The following NRCAM variants were observed in gnomAD, a reference collection of about 807,000 sequenced individuals.
NRCAM encodes neuronal cell adhesion molecule, also known as NgCAM-related cell adhesion molecule.
Under a neutral mutation model 156.5 loss-of-function variants are expected in NRCAM, and 83 were observed. The observed-to-expected ratio is 0.53, with a 90% CI of 0.44 to 0.64. The LOEUF is 0.64. Among genes scored for constraint, NRCAM ranks in the 30% least tolerant of loss-of-function variants. NRCAM has a pLI of 0.00. For synonymous variants in NRCAM, 538 were observed against 563.9 expected, an observed-to-expected ratio of 0.95 and a Z score of 0.65; for missense variants, 1,417 against 1,597.3, an observed-to-expected ratio of 0.89 and a Z score of 1.92.
At chr7:108,429,255 G>A (rs1032922646) in intron 1 of NRCAM, among the ~76,000 whole-genome samples, 2 of 152,000 alleles carry the variant, frequency 1.3e-5, no homozygotes, top group Non-Finnish European at 2.9e-5. Flanking sequence ...GCAATGGCAC[G>A]ATCTTGGCTC....
intron 7 of NRCAM, 150 bp from the exon 8 acceptor site, chr7:108,231,303 T>C (rs775635237): frequency 2.0e-5 from 12 of 589,980 alleles, no homozygotes; most frequent in Non-Finnish European, 3.0e-5. Context: ...AAATACAATG[T>C]TAAAAGAAAA....
At chr7:108,302,578 CA>C (rs1228786750) in intron 3 of NRCAM, among the ~76,000 whole-genome samples, 2 of 152,128 alleles carry the variant, frequency 1.3e-5, no homozygotes, top group African/African-American at 4.8e-5. Flanking sequence ...TAAATTTAAA[CA>C]AAGTGACAGA....
intron 2 of NRCAM, among the ~76,000 whole-genome samples, chr7:108,330,309 T>C (rs1332814588): frequency 1.3e-5 from 2 of 152,138 alleles, no homozygotes; most frequent in African/African-American, 2.4e-5. Context: ...TCAAGAACAG[T>C]GGAAGGACTA....
intron 32 of NRCAM, among the ~76,000 whole-genome samples, chr7:108,155,460 T>C (rs1250414871): frequency 6.6e-6 from 1 of 152,064 alleles, no homozygotes; most frequent in Non-Finnish European, 1.5e-5. Flanking sequence ...CATTGTGCAG[T>C]GGAAAGAAAT....
At chr7:108,413,513 T>C (rs983937125) in intron 1 of NRCAM, among the ~76,000 whole-genome samples, 2 of 152,164 alleles carry the variant, frequency 1.3e-5, no homozygotes, top group African/African-American at 2.4e-5. Context: ...ACTATAGCCT[T>C]TGAAAGACAA....
chr7:108,168,239 C>T (rs1287487767), intron 29 of NRCAM, 38 bp downstream of exon 29: 5 of 1,465,476 alleles, frequency 3.4e-6, no homozygotes, highest in South Asian at 1.6e-5. Flanking sequence ...AAAATGCATC[C>T]CCCAAATTAA....
intron 28 of NRCAM, among the ~76,000 whole-genome samples, chr7:108,169,732 T>G (rs2057284789): frequency 6.6e-6 from 1 of 152,132 alleles, no homozygotes; most frequent in African/African-American, 2.4e-5. Flanking sequence ...GGTAAAATAA[T>G]AGGAATATGA....
chr7:108,328,034 T>G (rs1347818264), intron 2 of NRCAM, among the ~76,000 whole-genome samples: 1 of 152,176 alleles, frequency 6.6e-6, no homozygotes, highest in Non-Finnish European at 1.5e-5. Context: ...AGCATTAAAA[T>G]TACATCTTAA....
chr7:108,295,722 A>G (rs2098440900), intron 3 of NRCAM, among the ~76,000 whole-genome samples: 1 of 152,204 alleles, frequency 6.6e-6, no homozygotes, highest in South Asian at 2.1e-4. Context: ...CACATTGTCT[A>G]AGTTATTTGA....
intron 32 of NRCAM, among the ~76,000 whole-genome samples, chr7:108,153,558 T>C (rs58537052): frequency 0.17 from 26,459 of 152,060 alleles, 3,143 homozygotes; most frequent in African/African-American, 0.34. Flanking sequence ...GAAATAATAA[T>C]AATGATGGCT....
intron 3 of NRCAM, among the ~76,000 whole-genome samples, chr7:108,285,460 T>C (rs2098057686): frequency 6.6e-6 from 1 of 152,236 alleles, no homozygotes; most frequent in Non-Finnish European, 1.5e-5. Context: ...GGATATTTGA[T>C]CTGGTCAGTC....
intron 22 of NRCAM, among the ~76,000 whole-genome samples, chr7:108,183,784 C>T (rs1052735896): frequency 5.9e-5 from 9 of 152,156 alleles, no homozygotes; most frequent in African/African-American, 1.9e-4. Context: ...ATCTGCCCGC[C>T]TCGGCCTCCC....
chr7:108,250,650 C>CA lies in NRCAM; in HGVS notation c.-106-10481dup, dbSNP rs1031964075. On this transcript the variant is annotated intron_variant, in intron 3 of 32. Coordinates refer to ENST00000379028, the MANE Select transcript of NRCAM (RefSeq NM_001037132.4). ...TGGAAATGGGGATGGTTATTAGGTA[C>CA]AAAAAAAAAAAATAGAAACAATGAC... Among the ~76,000 whole-genome samples, 845 of 108,184 alleles carry CA rather than the reference C, an allele frequency of 7.8e-3. 7 individuals are homozygous for CA. The highest frequency in any genetic ancestry group is 0.014 in the African/African-American group (416 of 29,466). 71.0% of individuals were successfully genotyped at this position (108,184 alleles called of 152,430 possible).
At chr7:108,227,809 A>G (rs549562750) in intron 8 of NRCAM, among the ~76,000 whole-genome samples, 2 of 152,298 alleles carry the variant, frequency 1.3e-5, no homozygotes, top group African/African-American at 2.4e-5. Context: ...TGCTCCTCCT[A>G]TAGCAGGTGC....
In NRCAM at chr7:108,240,090, AC is replaced by A; in HGVS notation, c.-27del. ...TAGCTTAACTCCTGCTGAGACTCAC[AC>A]ACTGAATTTCCTTTTCTTCTTTCAC... is the stretch of plus-strand genomic sequence containing the variant. On this transcript the variant is annotated 5_prime_UTR_variant, in exon 4 of 33. Transcript: ENST00000379028. 1 of 1,485,272 alleles carries A rather than the reference AC, an allele frequency of 6.7e-7. No homozygotes were observed. The highest frequency in any genetic ancestry group is 9.4e-7 in the Non-Finnish European group (1 of 1,069,398). 92.0% of individuals were successfully genotyped at this position (1,485,272 alleles called of 1,614,324 possible). A position where few individuals can be genotyped will look rare whatever the true frequency, so the allele number is the denominator to read the frequency against.
intron 3 of NRCAM, among the ~76,000 whole-genome samples, chr7:108,285,782 A>T (rs999237702): frequency 6.6e-6 from 1 of 152,212 alleles, no homozygotes; most frequent in Non-Finnish European, 1.5e-5. Context: ...CTGTTTGTGT[A>T]TACAATTATA....
intron 3 of NRCAM, among the ~76,000 whole-genome samples, chr7:108,259,797 AACACATGG>A (rs2096824233): frequency 6.6e-6 from 1 of 152,154 alleles, no homozygotes; most frequent in South Asian, 2.1e-4. Context: ...GAACAATGAG[AACACATGG>A]ACACAGGGAG....
At chr7:108,447,520 C>T (rs1209773009) in intron 1 of NRCAM, among the ~76,000 whole-genome samples, 1 of 151,992 alleles carries the variant, frequency 6.6e-6, no homozygotes, top group Non-Finnish European at 1.5e-5. Context: ...TCCGCCTACT[C>T]TGTCCTCCCA....
At chr7:108,383,392 A>C (rs557063868) in intron 2 of NRCAM, among the ~76,000 whole-genome samples, 1 of 152,368 alleles carries the variant, frequency 6.6e-6, no homozygotes, top group Admixed American at 6.5e-5. Flanking sequence ...TTCTTGTAAC[A>C]TTAAAGTGAA....
Sources: gnomAD v4.1 joint callset for allele counts (sites outside exome capture counted in the v4.1 genomes callset) on GRCh38, gnomAD v4.1.1 for gene constraint, MANE v1.5 for transcripts, NCBI Gene and HGNC (gene_info 2026-07-23, HGNC 2026-07-21) for gene names.